Variants in LARS2 observed in about 807,000 individuals in gnomAD.
LARS2 encodes the protein leucyl-tRNA synthetase 2, mitochondrial.
In LARS2, 81 loss-of-function variants were observed where a neutral mutation model predicts 116.6. The ratio of observed to expected loss-of-function variants is 0.69; its 90% confidence interval spans 0.58 to 0.84. LARS2 has a LOEUF of 0.84. Ranked by LOEUF, LARS2 falls within the 40% of genes least tolerant of loss-of-function variation. LARS2 has a pLI of 0.00. For synonymous variants in LARS2, 396 were observed against 407.2 expected, an observed-to-expected ratio of 0.97 and a Z score of 0.33; for missense variants, 968 against 1,114.5, an observed-to-expected ratio of 0.87 and a Z score of 1.87.
intron 15 of LARS2, 136 bp downstream of exon 15, chr3:45,500,715 C>T (rs940063532): frequency 1.9e-5 from 12 of 639,136 alleles, no homozygotes; most frequent in Non-Finnish European, 2.8e-5. Context: ...GGTTGTCAAC[C>T]TTAATCATTT....
chr3:45,510,453 A>G (rs1425899720), intron 15 of LARS2, among the ~76,000 whole-genome samples: 1 of 151,424 alleles, frequency 6.6e-6, no homozygotes, highest in Non-Finnish European at 1.5e-5. Flanking sequence ...GGAGAAAGAC[A>G]GGCAAGCAGC....
chr3:45,484,604 A>C (rs1385878666), intron 10 of LARS2, among the ~76,000 whole-genome samples: 7 of 22,100 alleles, frequency 3.2e-4, no homozygotes, highest in Admixed American at 9.0e-4. Flanking sequence ...CTGTCTCTAC[A>C]AAAAAAAAAA....
At chr3:45,413,186 C>G (rs6790102) in intron 4 of LARS2, among the ~76,000 whole-genome samples, 1,731 of 152,276 alleles carry the variant, frequency 0.011, 38 homozygotes, top group African/African-American at 0.037. Flanking sequence ...TAGGAACGTA[C>G]ATGTTTGTGT....
chr3:45,520,002 G>A (rs1267560918), intron 18 of LARS2, among the ~76,000 whole-genome samples: 1 of 152,126 alleles, frequency 6.6e-6, no homozygotes, highest in Non-Finnish European at 1.5e-5. Context: ...TCCCAGATAT[G>A]TGGAAGAATA....
chr3:45,448,243 C>A (rs140569760), intron 7 of LARS2, among the ~76,000 whole-genome samples: 4 of 152,120 alleles, frequency 2.6e-5, no homozygotes, highest in Non-Finnish European at 5.9e-5. Context: ...TTGACTAAAA[C>A]GAGATAGTGT....
intron 15 of LARS2, among the ~76,000 whole-genome samples, chr3:45,501,661 T>C (rs555396851): frequency 2.5e-4 from 38 of 152,334 alleles, no homozygotes; most frequent in Admixed American, 7.8e-4. Flanking sequence ...GTTCCTGACA[T>C]ATGCGTCACC....
chr3:45,504,870 A>G (rs915528322), intron 15 of LARS2, among the ~76,000 whole-genome samples: 10 of 151,498 alleles, frequency 6.6e-5, no homozygotes, highest in Non-Finnish European at 1.3e-4. Flanking sequence ...GCTTGAGGTC[A>G]GGAGTTCGAG....
At chr3:45,450,855 T>C (rs1389447116) in intron 7 of LARS2, among the ~76,000 whole-genome samples, 1 of 152,254 alleles carries the variant, frequency 6.6e-6, no homozygotes, top group Non-Finnish European at 1.5e-5. Context: ...CAGCATCTGT[T>C]ACTCCATCTT....
At chr3:45,476,855 G>A (rs1291412208) in intron 10 of LARS2, among the ~76,000 whole-genome samples, 3 of 152,098 alleles carry the variant, frequency 2.0e-5, no homozygotes, top group Non-Finnish European at 4.4e-5. Flanking sequence ...TGTGTCTTGA[G>A]CTTCTGATTG....
At position 45,547,683 on chromosome 3, in the gene LARS2, G is replaced by T; in HGVS notation, c.*153G>T. On this transcript the variant is annotated 3_prime_UTR_variant, in exon 22 of 22. Transcript: ENST00000645846. ...TGTGGCAGACTGCAGTCAACAGTGT[G>T]CCTCTGTAGTGTGGCCTGGTGCTGG... The T allele has an allele frequency of 1.5e-6, 1 of 670,660 alleles. No homozygotes were observed. 41.5% of individuals were successfully genotyped at this position (670,660 alleles called of 1,614,324 possible).
intron 16 of LARS2, among the ~76,000 whole-genome samples, chr3:45,515,788 G>A (rs151276047): frequency 6.6e-6 from 1 of 152,100 alleles, no homozygotes; most frequent in Admixed American, 6.5e-5. Flanking sequence ...TTCCTTTTTT[G>A]TGTATAAATA....
At position 45,517,958 on chromosome 3, in the gene LARS2, T is replaced by G; in HGVS notation, c.2100T>G (p.Thr700=). ...AACAACGACTGTGGACCTTGACAAC[T>G]CGGTTTATTGAGGCCAGGGCTTCTG... ...RWQQRLWTLT[T]RFIEARASGK... The change falls in exon 18 of 22, where the codon ACT becomes ACG. Residue 700 remains threonine (T), a synonymous_variant. Coordinates refer to ENST00000645846, the MANE Select transcript of LARS2 (RefSeq NM_015340.4). 1 of 1,614,124 alleles carries G rather than the reference T, an allele frequency of 6.2e-7. No homozygotes were observed.
At chr3:45,421,196 C>T (rs186339630) in intron 6 of LARS2, 2 of 152,092 alleles carry the variant, frequency 1.3e-5, no homozygotes, top group African/African-American at 4.8e-5. Context: ...TGTTCAAATC[C>T]GAAGTCCAGA....
chr3:45,391,342 G>A (rs1464016298), intron 1 of LARS2, among the ~76,000 whole-genome samples: 2 of 151,812 alleles, frequency 1.3e-5, no homozygotes, highest in Admixed American at 6.6e-5. Flanking sequence ...AAAATTAGCC[G>A]GGTGTGGTGG....
At chr3:45,409,658 G>T (rs1698295621) in intron 4 of LARS2, among the ~76,000 whole-genome samples, 1 of 152,130 alleles carries the variant, frequency 6.6e-6, no homozygotes, top group Non-Finnish European at 1.5e-5. Flanking sequence ...TTTGCGCTTG[G>T]TCACTGGGCT....
chr3:45,455,968 T>C (rs187290018), intron 7 of LARS2, among the ~76,000 whole-genome samples: 2 of 151,668 alleles, frequency 1.3e-5, no homozygotes, highest in Non-Finnish European at 1.5e-5. Flanking sequence ...AAGTAGAGAG[T>C]AGAATGATGG....
At chr3:45,415,894 GA>G (rs1559461409) in intron 4 of LARS2, among the ~76,000 whole-genome samples, 14,352 of 56,262 alleles carry the variant, frequency 0.26, 1,090 homozygotes, top group African/African-American at 0.43. Flanking sequence ...GAGAGAGAGG[GA>G]GAGAGAGAGA....
intron 6 of LARS2, among the ~76,000 whole-genome samples, chr3:45,445,433 T>C (rs1214153851): frequency 6.6e-6 from 1 of 152,216 alleles, no homozygotes; most frequent in Non-Finnish European, 1.5e-5. Context: ...AGCAAGCCCA[T>C]TGGCAGAGTG....
chr3:45,514,080 C>T (rs905088045), intron 16 of LARS2, among the ~76,000 whole-genome samples: 1 of 152,116 alleles, frequency 6.6e-6, no homozygotes, highest in Non-Finnish European at 1.5e-5. Context: ...GAGGCATGCA[C>T]CTGTAATCCC....
Sources: allele counts gnomAD v4.1 joint callset (sites outside exome capture counted in the v4.1 genomes callset), GRCh38; gene constraint gnomAD v4.1.1; transcripts MANE v1.5; gene names NCBI Gene and HGNC (gene_info 2026-07-23, HGNC 2026-07-21).